IL6R: variants seen among roughly 807,000 people sequenced by gnomAD.
IL6R encodes interleukin 6 receptor.
Under a neutral mutation model 48.3 loss-of-function variants are expected in IL6R, and 38 were observed. That is an observed-to-expected ratio of 0.79 (90% CI 0.61 to 1.03). The LOEUF is 1.03. IL6R is among the 50% of genes least tolerant of loss of function. The pLI is 0.00. For missense variants in IL6R, 534 were observed against 618.3 expected (o/e 0.86, Z 1.45); for synonymous variants, 264 against 256.2 (o/e 1.03, Z -0.29).
intron 1 of IL6R, chr1:154,414,624 A>G: frequency 1.3e-6 from 1 of 799,560 alleles, no homozygotes; most frequent in Non-Finnish European, 2.2e-6. Flanking sequence ...TGATAGTGTC[A>G]AGCAGGATGT....
At chr1:154,409,268 C>A (rs1054099728) in intron 1 of IL6R, among the ~76,000 whole-genome samples, 1 of 152,186 alleles carries the variant, frequency 6.6e-6, no homozygotes, top group Non-Finnish European at 1.5e-5. Context: ...CTTCCATCAT[C>A]GTGGAAAGCC....
chr1:154,411,677 T>C (rs972019110), intron 1 of IL6R, among the ~76,000 whole-genome samples: 1 of 152,122 alleles, frequency 6.6e-6, no homozygotes, highest in African/African-American at 2.4e-5. Flanking sequence ...TAGGGGACCT[T>C]TGGGCAAGTC....
chr1:154,458,742 A>G (rs907433026), intron 9 of IL6R, among the ~76,000 whole-genome samples: 1 of 152,106 alleles, frequency 6.6e-6, no homozygotes, highest in Non-Finnish European at 1.5e-5. Context: ...CTCTACTAAA[A>G]ATACAAAAAT....
At chr1:154,458,172 G>T (rs566633415) in intron 9 of IL6R, among the ~76,000 whole-genome samples, 1 of 151,910 alleles carries the variant, frequency 6.6e-6, no homozygotes, top group East Asian at 1.9e-4. Flanking sequence ...GGGTTTCACC[G>T]TGTTAGCCAG....
intron 1 of IL6R, among the ~76,000 whole-genome samples, chr1:154,414,148 C>T (rs879789191): frequency 1.3e-5 from 2 of 152,104 alleles, no homozygotes; most frequent in Non-Finnish European, 2.9e-5. Flanking sequence ...TGAGCCACTG[C>T]GCCTGGCTGC....
Position 154,435,028 on chromosome 1 carries a change from G to A in IL6R, c.679G>A (p.Val227Met), listed in dbSNP as rs769046397. Residue 227 changes from valine (V) to methionine (M), a missense_variant, in exon 5 of 10, where the codon GTG (valine) becomes ATG (methionine). Val to Met is a conservative substitution (Grantham distance 21). Coordinates refer to ENST00000368485, the MANE Select transcript of IL6R (RefSeq NM_000565.4). ...GCCTGCCAACATCACAGTCACTGCC[G>A]TGGCCAGAAACCCCCGCTGGCTCAG... ...DPPANITVTA[V>M]ARNPRWLSVT... 39 of 1,614,004 alleles carry A rather than the reference G, an allele frequency of 2.4e-5. No homozygotes were observed. The South Asian group carries it at 3.7e-4, about 15-fold the overall frequency.
At chr1:154,407,537 C>T (rs1687797173) in intron 1 of IL6R, among the ~76,000 whole-genome samples, 1 of 152,156 alleles carries the variant, frequency 6.6e-6, no homozygotes, top group African/African-American at 2.4e-5. Context: ...AGCCCCTCTC[C>T]CACACCCACA....
At chr1:154,448,315 C>G in intron 7 of IL6R, 144 bp downstream of exon 7, 1 of 673,958 alleles carries the variant, frequency 1.5e-6, no homozygotes, top group Non-Finnish European at 2.7e-6. Context: ...GCTTTTCAAA[C>G]CTCTGTGAAA....
chr1:154,405,578 C>G lies in IL6R; in HGVS notation c.-52C>G, dbSNP rs938877359. The G allele has an allele frequency of 2.9e-6, 4 of 1,384,646 alleles. No homozygotes were observed. The Admixed American group carries it at 8.4e-5, about 29-fold the overall frequency. The allele number at this position is 1,384,646 out of a possible 1,614,324, so 85.8% of individuals were successfully genotyped here. On this transcript the variant is annotated 5_prime_UTR_variant, in exon 1 of 10. Coordinates refer to ENST00000368485, the MANE Select transcript of IL6R (RefSeq NM_000565.4). This position sits in a 1 kb window ranked among gnomAD's most constrained non-coding sequence, Gnocchi z 5.2. The stretch of plus-strand genomic sequence containing the variant: ...CCTGCCACCCCTGCCGCCCGGTTCC[C>G]ATTAGCCTGTCCGCCTCTGCGGGAC...
chr1:154,455,260 G>A (rs953977122), intron 9 of IL6R, among the ~76,000 whole-genome samples: 3 of 151,606 alleles, frequency 2.0e-5, no homozygotes, highest in Non-Finnish European at 4.4e-5. Flanking sequence ...GGTTGACAGC[G>A]TGTGCATGCA....
intron 6 of IL6R, among the ~76,000 whole-genome samples, chr1:154,447,502 CATATATAT>C (rs1225161315): frequency 1.5e-4 from 15 of 97,954 alleles, no homozygotes; most frequent in African/African-American, 1.2e-3. Flanking sequence ...CACACACACA[CATATATAT>C]ATACACACAT....
At position 154,430,596 on chromosome 1, in the gene IL6R, G is replaced by C. The variant is rs1351692724; in HGVS notation, c.448G>C (p.Val150Leu). ...CCTGACGACAAAGGCTGTGCTCTTG[G>C]TGAGGAAGTTGTAAGTATCTTGGGC... is the stretch of plus-strand genomic sequence containing the variant. Reference protein sequence around the residue: ...PSLTTKAVLLVRKFQNSPAED... With the variant: ...PSLTTKAVLLLRKFQNSPAED... Residue 150 changes from valine to leucine, a missense_variant, in exon 3 of 10, where the codon GTG (valine) becomes CTG (leucine). Physicochemically the swap from Val to Leu is conservative, Grantham distance 32. Coordinates refer to ENST00000368485, the MANE Select transcript of IL6R (RefSeq NM_000565.4). 2 of 1,614,092 alleles carry C rather than the reference G, an allele frequency of 1.2e-6. No homozygotes were observed. Among genetic ancestry groups the C allele is most frequent in the Non-Finnish European group, 1.7e-6 (2 of 1,180,028 alleles).
rs1691479906 is a variant in IL6R at position 154,465,062 on chromosome 1, G to A, written c.1161-72G>A. On this transcript the variant is annotated intron_variant, in intron 9 of 9. Transcript: ENST00000368485. Reference sequence around the variant, plus strand: ...GCCACCAGGGCAGCCAGCTGTTGGTGTTTTCCACTGTGGGCTTGTCACAGG... The same window carrying A: ...GCCACCAGGGCAGCCAGCTGTTGGTATTTTCCACTGTGGGCTTGTCACAGG... 6 of 1,594,774 alleles carry A rather than the reference G, an allele frequency of 3.8e-6. No homozygotes were observed. The African/African-American group carries it at 4.0e-5, about 11-fold the overall frequency.
At chr1:154,450,273 A>G (rs559689329) in intron 8 of IL6R, among the ~76,000 whole-genome samples, 4 of 152,110 alleles carry the variant, frequency 2.6e-5, no homozygotes, top group African/African-American at 9.6e-5. Flanking sequence ...TTACAGGCGC[A>G]TGCCACCATG....
chr1:154,431,910 A>C (rs1410476865), intron 3 of IL6R, among the ~76,000 whole-genome samples: 1 of 152,178 alleles, frequency 6.6e-6, no homozygotes, highest in Non-Finnish European at 1.5e-5. Flanking sequence ...GGCACTTTAA[A>C]ATTTCTGAAG....
At chr1:154,443,594 G>A (rs1482873689) in intron 6 of IL6R, among the ~76,000 whole-genome samples, 2 of 152,174 alleles carry the variant, frequency 1.3e-5, no homozygotes, top group East Asian at 3.9e-4. Flanking sequence ...CGACCCTGGG[G>A]AAGTACCTCA....
intron 7 of IL6R, among the ~76,000 whole-genome samples, chr1:154,449,060 A>C: frequency 6.9e-6 from 1 of 144,336 alleles, no homozygotes; most frequent in Non-Finnish European, 1.5e-5. Context: ...CGCCTGGCTA[A>C]TTTTTTTTGT....
At chr1:154,433,670 A>G (rs1321600865) in intron 3 of IL6R, among the ~76,000 whole-genome samples, 1 of 151,850 alleles carries the variant, frequency 6.6e-6, no homozygotes, top group Non-Finnish European at 1.5e-5. Context: ...GCTAGGCTAC[A>G]TGTTTATATA....
At chr1:154,445,275 CG>C in intron 6 of IL6R, among the ~76,000 whole-genome samples, 1 of 152,176 alleles carries the variant, frequency 6.6e-6, no homozygotes, top group Admixed American at 6.5e-5. Context: ...GTGGGTCCCA[CG>C]GTCTCTCCTC....
Sources: allele counts gnomAD v4.1 joint callset (sites outside exome capture counted in the v4.1 genomes callset), GRCh38; gene constraint gnomAD v4.1.1; non-coding constraint Gnocchi (gnomAD v3.1); transcripts MANE v1.5; gene names NCBI Gene and HGNC (gene_info 2026-07-23, HGNC 2026-07-21).